THSD7B: variants seen among roughly 807,000 people sequenced by gnomAD.
The protein encoded by THSD7B is thrombospondin type 1 domain containing 7B.
Under a neutral mutation model 213.6 loss-of-function variants are expected in THSD7B, and 138 were observed. The ratio of observed to expected loss-of-function variants is 0.65; its 90% CI spans 0.56 to 0.74. The LOEUF (loss-of-function observed/expected upper bound fraction) is 0.74. Among genes scored for constraint, THSD7B ranks in the 30% least tolerant of loss-of-function variants. The pLI is 0.00. For synonymous variants in THSD7B, 742 were observed against 687.0 expected, an observed-to-expected ratio of 1.08 and a Z score of -1.25; for missense variants, 1,931 against 1,991.5, an observed-to-expected ratio of 0.97 and a Z score of 0.58.
At chr2:136,938,537 C>T (rs2105056986) in intron 2 of THSD7B, among the ~76,000 whole-genome samples, 1 of 152,018 alleles carries the variant, frequency 6.6e-6, no homozygotes, top group Middle Eastern at 3.4e-3. Flanking sequence ...TTTCATTTGC[C>T]TGGCTTTTTT....
intron 12 of THSD7B, among the ~76,000 whole-genome samples, chr2:137,338,727 T>C (rs956821023): frequency 5.3e-5 from 8 of 152,216 alleles, no homozygotes; most frequent in Non-Finnish European, 1.2e-4. Context: ...TGGTACTGAA[T>C]GTTATAGGGA....
chr2:137,178,457 A>C (rs564427129), intron 7 of THSD7B, among the ~76,000 whole-genome samples: 25 of 152,332 alleles, frequency 1.6e-4, no homozygotes, highest in African/African-American at 5.3e-4. Context: ...TGCAGTTGGA[A>C]GTGTCAATAA....
intron 27 of THSD7B, among the ~76,000 whole-genome samples, chr2:137,674,025 A>C (rs1683640971): frequency 6.6e-6 from 1 of 152,166 alleles, no homozygotes; most frequent in African/African-American, 2.4e-5. Context: ...AAGTGGTATA[A>C]ACATATTTGT....
chr2:137,497,965 T>A (rs1458227893), intron 15 of THSD7B, among the ~76,000 whole-genome samples: 1 of 152,200 alleles, frequency 6.6e-6, no homozygotes, highest in Non-Finnish European at 1.5e-5. Flanking sequence ...AACTTATATT[T>A]GATGATCATT....
intron 12 of THSD7B, among the ~76,000 whole-genome samples, chr2:137,316,502 G>A (rs12997280): frequency 0.39 from 58,669 of 152,122 alleles, 11,787 homozygotes; most frequent in Non-Finnish European, 0.44. Context: ...GAGGCTGGGC[G>A]TGGTGGCTCA....
chr2:137,359,398 G>A (rs1685203816), intron 12 of THSD7B, among the ~76,000 whole-genome samples: 1 of 152,192 alleles, frequency 6.6e-6, no homozygotes, highest in Admixed American at 6.5e-5. Flanking sequence ...AGTTAAACTA[G>A]GCACAAAAGA....
chr2:137,558,217 G>C (rs1681025404), intron 15 of THSD7B, among the ~76,000 whole-genome samples: 1 of 152,130 alleles, frequency 6.6e-6, no homozygotes, highest in Non-Finnish European at 1.5e-5. Flanking sequence ...ATTTTATGAG[G>C]CCAGCATCAT....
At chr2:137,241,585 C>T (rs1353388186) in intron 9 of THSD7B, among the ~76,000 whole-genome samples, 1 of 152,070 alleles carries the variant, frequency 6.6e-6, no homozygotes, top group Non-Finnish European at 1.5e-5. Context: ...TATGTTGCTT[C>T]TTCCAACTTT....
chr2:136,946,039 C>A lies in THSD7B; in HGVS notation c.139+63722C>A, dbSNP rs528203060. Among the ~76,000 whole-genome samples the A allele has an allele frequency of 5.3e-5, 8 of 152,306 alleles. No individual in the cohort carries two copies. The South Asian group carries it at 1.7e-3, about 32-fold the overall frequency. On this transcript the variant is annotated intron_variant, in intron 2 of 27. Coordinates refer to ENST00000409968, the MANE Select transcript of THSD7B (RefSeq NM_001316349.2). Reference sequence around the variant, plus strand: ...CTGCAGTCGTTTGGAAGAGAAGAGGCGCTCTGGTTTTTAGAATTTTCAGCT... The same window carrying A: ...CTGCAGTCGTTTGGAAGAGAAGAGGAGCTCTGGTTTTTAGAATTTTCAGCT...
chr2:137,396,790 T>C (rs1203052029), intron 12 of THSD7B, among the ~76,000 whole-genome samples: 1 of 151,512 alleles, frequency 6.6e-6, no homozygotes, highest in African/African-American at 2.4e-5. Context: ...TATTAATGTG[T>C]GGGAGTCTAA....
At position 137,097,733 on chromosome 2, in the gene THSD7B, C is replaced by T. The variant is rs748779680; in HGVS notation, c.1199+2612C>T. Among the ~76,000 whole-genome samples the T allele has an allele frequency of 1.7e-4, 25 of 149,084 alleles. 1 individual carries two copies. The highest frequency in any genetic ancestry group is 2.8e-4 in the Non-Finnish European group (19 of 67,290). On this transcript the variant is annotated intron_variant, in intron 4 of 27. Coordinates refer to ENST00000409968, the MANE Select transcript of THSD7B (RefSeq NM_001316349.2). ...AGACTTCACTGGTGATGATCCTGGC[C>T]CTCTAGTTCTACTGTTTGAAAATGC...
intron 2 of THSD7B, among the ~76,000 whole-genome samples, chr2:136,943,205 C>A (rs1056170091): frequency 6.6e-6 from 1 of 152,156 alleles, no homozygotes; most frequent in Non-Finnish European, 1.5e-5. Flanking sequence ...TATGTTGAAC[C>A]AGCCTTGCAT....
At chr2:137,044,633 C>T (rs1686938156) in intron 2 of THSD7B, among the ~76,000 whole-genome samples, 1 of 151,986 alleles carries the variant, frequency 6.6e-6, no homozygotes, top group African/African-American at 2.4e-5. Context: ...GATTAATAAC[C>T]ATAATAAAAC....
chr2:136,766,590 C>A (rs1397047129), intron 1 of THSD7B, among the ~76,000 whole-genome samples: 1 of 152,074 alleles, frequency 6.6e-6, no homozygotes, highest in African/African-American at 2.4e-5. Flanking sequence ...GAGGAGGGGG[C>A]GTTAAGCTCT....
intron 1 of THSD7B, among the ~76,000 whole-genome samples, chr2:136,860,090 G>A (rs758321208): frequency 2.0e-5 from 3 of 146,912 alleles, no homozygotes; most frequent in Non-Finnish European, 4.5e-5. Flanking sequence ...TGATCTCGGC[G>A]CACTACAAGC....
chr2:137,647,652 A>G (rs1282755910), intron 21 of THSD7B, among the ~76,000 whole-genome samples: 1 of 151,948 alleles, frequency 6.6e-6, no homozygotes, highest in Non-Finnish European at 1.5e-5. Flanking sequence ...TAAAATGACC[A>G]TTGATCAATA....
chr2:136,897,418 T>C (rs1352857102), intron 2 of THSD7B, among the ~76,000 whole-genome samples: 2 of 150,362 alleles, frequency 1.3e-5, no homozygotes, highest in African/African-American at 4.9e-5. Context: ...GTGTTACAGC[T>C]CTTAAAGGTG....
rs578206528 is a variant in THSD7B at position 137,196,855 on chromosome 2, C to T, written c.1723+25917C>T. ...ATTTGCAAAAATCTGAAATAGAAAA[C>T]GCTTCTGGTCCCAAGCGTTTTGGAT... is the stretch of plus-strand genomic sequence containing the variant. On this transcript the variant is annotated intron_variant, in intron 7 of 27. Coordinates refer to ENST00000409968, the MANE Select transcript of THSD7B (RefSeq NM_001316349.2). Among the ~76,000 whole-genome samples, 17 of 152,172 alleles carry T rather than the reference C, an allele frequency of 1.1e-4. No individual in the cohort carries two copies. In the East Asian group the frequency reaches 2.1e-3, roughly 19 times the overall value.
At chr2:137,352,427 A>G (rs1573977745) in intron 12 of THSD7B, among the ~76,000 whole-genome samples, 1 of 152,012 alleles carries the variant, frequency 6.6e-6, no homozygotes. Flanking sequence ...CTCAAAAGCA[A>G]CTTGGTCATT....
Sources: gnomAD v4.1 joint callset for allele counts (sites outside exome capture counted in the v4.1 genomes callset) on GRCh38, gnomAD v4.1.1 for gene constraint, MANE v1.5 for transcripts, NCBI Gene and HGNC (gene_info 2026-07-23, HGNC 2026-07-21) for gene names.